FAT1: variants seen among roughly 807,000 people sequenced by gnomAD.
The protein encoded by FAT1 is protocadherin Fat 1.
In FAT1, 171 loss-of-function variants were observed where a neutral mutation model predicts 329.8. The observed-to-expected ratio is 0.52, with a 90% CI of 0.46 to 0.59. The LOEUF is 0.59. Among genes scored for constraint, FAT1 ranks in the 20% least tolerant of loss-of-function variants. The pLI is 0.00. For missense variants in FAT1, 5,672 were observed against 5,774.4 expected (o/e 0.98, Z 0.57); for synonymous variants, 2,233 against 2,228.6 (o/e 1.00, Z -0.06).
At chr4:186,711,824 G>A (rs1744970833) in intron 1 of FAT1, among the ~76,000 whole-genome samples, 1 of 152,154 alleles carries the variant, frequency 6.6e-6, no homozygotes, top group African/African-American at 2.4e-5. Flanking sequence ...AGAGGCTGAG[G>A]CAGGAGAATC....
At chr4:186,724,002 G>C (rs1175671297), upstream of FAT1, 1 of 151,160 alleles carries the variant, frequency 6.6e-6, no homozygotes, top group Non-Finnish European at 1.5e-5. This position sits in a 1 kb window ranked among gnomAD's most constrained non-coding sequence, Gnocchi z 5.3. Context: ...GACCCAAAGA[G>C]CCCCAGTCCC....
rs2126697468 is a variant in FAT1, at chr4:186,708,571, G to A, written c.1257C>T (p.Leu419=). The part of the protein sequence containing the change: ...AKFSLNYNTG[L]ISILEPVKRQ... ...TTTTAACTGGTTCTAAAATAGAAAT[G>A]AGACCAGTGTTGTAATTTAAACTGA... The change falls in exon 2 of 27, where the codon CTC becomes CTT. Residue 419 remains leucine, a synonymous_variant. Coordinates refer to ENST00000441802, the MANE Select transcript of FAT1 (RefSeq NM_005245.4). 1 of 1,613,954 alleles carries A rather than the reference G, an allele frequency of 6.2e-7. No individual in the cohort carries two copies. The highest frequency in any genetic ancestry group is 8.5e-7 in the Non-Finnish European group (1 of 1,179,890).
At position 186,621,557 on chromosome 4, in the gene FAT1, T is replaced by C. The variant is rs372338857; in HGVS notation, c.5029A>G (p.Ser1677Gly). 25 of 1,613,900 alleles carry C rather than the reference T, an allele frequency of 1.5e-5. No individual in the cohort carries two copies. Among genetic ancestry groups the C allele is most frequent in the Non-Finnish European group, 2.0e-5 (24 of 1,179,886 alleles). The change falls in exon 10 of 27, where the codon AGT becomes GGT. Residue 1677 changes from serine to glycine, a missense_variant. Coordinates refer to ENST00000441802, the MANE Select transcript of FAT1 (RefSeq NM_005245.4). ...AAACTCCCAATGCTGACAGTTTCAC[T>C]AAGTTCAACAGAATATTCTTTTGAT... Reference protein sequence around the residue: ...FTSKEYSVELSETVSIGSFVG... With the variant: ...FTSKEYSVELGETVSIGSFVG...
chr4:186,655,677 C>T (rs1446915513), intron 3 of FAT1, among the ~76,000 whole-genome samples: 1 of 152,180 alleles, frequency 6.6e-6, no homozygotes, highest in Non-Finnish European at 1.5e-5. Flanking sequence ...AAGTGATCCA[C>T]AAGCCTCAGC....
intron 6 of FAT1, among the ~76,000 whole-genome samples, chr4:186,634,668 A>G (rs1740750459): frequency 6.6e-6 from 1 of 152,238 alleles, no homozygotes; most frequent in Non-Finnish European, 1.5e-5. Flanking sequence ...AAAAAAAACA[A>G]AAACAAAACA....
intron 2 of FAT1, among the ~76,000 whole-genome samples, chr4:186,668,385 G>C (rs887282536): frequency 6.6e-6 from 1 of 152,080 alleles, no homozygotes; most frequent in African/African-American, 2.4e-5. Flanking sequence ...GCTAGCCTTC[G>C]CCATCTCAAA....
At position 186,589,005 on chromosome 4, in the gene FAT1, G is replaced by A. The variant is rs2126354160; in HGVS notation, c.13354C>T (p.Pro4452Ser). The change falls in exon 27 of 27, where the codon CCG becomes TCG. Residue 4452 changes from proline to serine, a missense_variant. Coordinates refer to ENST00000441802, the MANE Select transcript of FAT1 (RefSeq NM_005245.4). ...FPAADELPPL[P>S]PEFSNQFESI... The stretch of plus-strand genomic sequence containing the variant: ...TCAAACTGATTGCTGAATTCGGGCG[G>A]TAACGGTGGTAGCTCATCAGCTGCG... 1 of 1,614,006 alleles carries A rather than the reference G, an allele frequency of 6.2e-7. No homozygotes were observed. The highest frequency in any genetic ancestry group is 2.2e-5 in the East Asian group (1 of 44,872).
At chr4:186,714,456 G>C (rs1474461603) in intron 1 of FAT1, among the ~76,000 whole-genome samples, 1 of 152,174 alleles carries the variant, frequency 6.6e-6, no homozygotes, top group Non-Finnish European at 1.5e-5. Flanking sequence ...GGCTATCCAA[G>C]TAAAGATTGT....
In FAT1 at chr4:186,603,945, A is replaced by G. The variant is rs747621154; in HGVS notation, c.10581T>C (p.Ser3527=). 11 of 1,613,578 alleles carry G rather than the reference A, an allele frequency of 6.8e-6. No individual in the cohort carries two copies. The African/African-American group carries it at 1.3e-4, about 20-fold the overall frequency. The part of the protein sequence containing the change: ...VADNGKPQLS[S]LTYIDIRVIE... ...TTACCCTAATGTCAATGTATGTCAA[A>G]GATGACAACTGAGGCTTTCCATTAT... Residue 3527 remains serine (S), a synonymous_variant, in exon 19 of 27, where the codon TCT becomes TCC. Coordinates refer to ENST00000441802, the MANE Select transcript of FAT1 (RefSeq NM_005245.4).
intron 3 of FAT1, among the ~76,000 whole-genome samples, chr4:186,652,269 T>C (rs1399897053): frequency 3.3e-5 from 5 of 152,188 alleles, no homozygotes; most frequent in African/African-American, 1.2e-4. Context: ...AAGAAGAGGA[T>C]AGGGTACACA....
chr4:186,713,173 T>C (rs1360457338), intron 1 of FAT1, among the ~76,000 whole-genome samples: 1 of 151,882 alleles, frequency 6.6e-6, no homozygotes, highest in Non-Finnish European at 1.5e-5. Flanking sequence ...CAAGGCCTTC[T>C]CTCCATCCTA....
At chr4:186,656,353 A>G (rs1006297263) in intron 3 of FAT1, among the ~76,000 whole-genome samples, 2 of 152,214 alleles carry the variant, frequency 1.3e-5, no homozygotes, top group Non-Finnish European at 2.9e-5. Flanking sequence ...GAGGGCCCAG[A>G]TGCCACAGCA....
In FAT1 at chr4:186,619,203, G is replaced by A. The variant is rs1344218719; in HGVS notation, c.7383C>T (p.Tyr2461=). ...CATCAGACACTGACAGGTTAAGACTGTAAAATGGCTTCAGGGCGTGCCGGT... is the reference window on the plus strand; with the variant it reads ...CATCAGACACTGACAGGTTAAGACTATAAAATGGCTTCAGGGCGTGCCGGT... ...NLHRHALKPF[Y]SLNLSVSDGV... Residue 2461 remains tyrosine (Y), a synonymous_variant, in exon 10 of 27, where the codon TAC becomes TAT. Coordinates refer to ENST00000441802, the MANE Select transcript of FAT1 (RefSeq NM_005245.4). 13 of 1,614,012 alleles carry A rather than the reference G, an allele frequency of 8.1e-6. No individual in the cohort carries two copies. The highest frequency in any genetic ancestry group is 1.0e-5 in the Non-Finnish European group (12 of 1,179,900).
At chr4:186,695,683 T>C (rs1743991392) in intron 2 of FAT1, among the ~76,000 whole-genome samples, 1 of 152,098 alleles carries the variant, frequency 6.6e-6, no homozygotes, top group Admixed American at 6.6e-5. Flanking sequence ...TTCAGCCTTA[T>C]ATTCTGGTGG....
chr4:186,610,573 T>C (rs971156358), intron 14 of FAT1, among the ~76,000 whole-genome samples: 19 of 141,354 alleles, frequency 1.3e-4, no homozygotes, highest in African/African-American at 4.7e-4. Context: ...AAAAATAATT[T>C]TATTATAAAT....
rs1388227282 is a variant in FAT1, at chr4:186,588,073, T to C, written c.*519A>G. The C allele has an allele frequency of 4.5e-6, 1 of 221,136 alleles. No homozygotes were observed. Among genetic ancestry groups the C allele is most frequent in the African/African-American group, 2.3e-5 (1 of 44,358 alleles). The allele number at this position is 221,136 out of a possible 1,614,324, so 13.7% of individuals were successfully genotyped here. A position where few individuals can be genotyped will look rare whatever the true frequency, so the allele number is the denominator to read the frequency against. ...AGAAATGAATGACTACACTGAAATGTACTAACAAAATGTCACACTTCAGTG... is the reference window on the plus strand; with the variant it reads ...AGAAATGAATGACTACACTGAAATGCACTAACAAAATGTCACACTTCAGTG... On this transcript the variant is annotated 3_prime_UTR_variant, in exon 27 of 27. Coordinates refer to ENST00000441802, the MANE Select transcript of FAT1 (RefSeq NM_005245.4).
intron 6 of FAT1, 100 bp from the exon 7 acceptor site, chr4:186,633,923 T>C (rs552180678): frequency 7.7e-5 from 101 of 1,311,362 alleles, no homozygotes; most frequent in Admixed American, 1.2e-4. Context: ...AATCTTCTAA[T>C]ATACTAGCAA....
intron 3 of FAT1, among the ~76,000 whole-genome samples, chr4:186,649,571 A>AAAGGTGTCTGTC (rs1741537178): frequency 2.0e-5 from 3 of 152,194 alleles, no homozygotes; most frequent in Admixed American, 2.0e-4. Context: ...CCCAGGGAAG[A>AAAGGTGTCTGTC]AAGGTGTCTG....
At chr4:186,692,268 T>C (rs1043461478) in intron 2 of FAT1, among the ~76,000 whole-genome samples, 2 of 152,222 alleles carry the variant, frequency 1.3e-5, no homozygotes, top group African/African-American at 4.8e-5. Flanking sequence ...AAGCTAAAAT[T>C]AGCAAAATAC....
Sources: gnomAD v4.1 joint callset for allele counts (sites outside exome capture counted in the v4.1 genomes callset) on GRCh38, gnomAD v4.1.1 for gene constraint, Gnocchi (gnomAD v3.1) non-coding constraint, MANE v1.5 for transcripts, NCBI Gene and HGNC (gene_info 2026-07-23, HGNC 2026-07-21) for gene names.